Variants in MAPK4 observed in about 807,000 individuals in gnomAD.
The protein encoded by MAPK4 is Erk3-related.
A neutral mutation model predicts 47.7 loss-of-function variants in MAPK4; 22 were observed. The ratio of observed to expected loss-of-function variants is 0.46; its 90% confidence interval spans 0.33 to 0.66. MAPK4 has a LOEUF of 0.66. Among genes scored for constraint, MAPK4 ranks in the 30% least tolerant of loss-of-function variants. The probability of loss-of-function intolerance (pLI) is 0.02; values close to 1 mark genes in which losing one functional copy is unlikely to be tolerated. For missense variants in MAPK4, 736 were observed against 831.7 expected, an observed-to-expected ratio of 0.88 and a Z score of 1.42; for synonymous variants, 390 against 365.7, an observed-to-expected ratio of 1.07 and a Z score of -0.76.
At chr18:50,572,494 C>A (rs1028617156) in intron 1 of MAPK4, among the ~76,000 whole-genome samples, 2 of 152,164 alleles carry the variant, frequency 1.3e-5, no homozygotes, top group African/African-American at 4.8e-5. Flanking sequence ...TTCCATATGT[C>A]TATACCTGCT....
chr18:50,572,624 T>TAG (rs78360919), intron 1 of MAPK4, among the ~76,000 whole-genome samples: 62,425 of 151,820 alleles, frequency 0.41, 13,815 homozygotes, highest in Non-Finnish European at 0.49. Flanking sequence ...ATTTCTGAAC[T>TAG]AGAGGCAGTA....
chr18:50,656,327 A>G (rs1426405690), intron 1 of MAPK4, among the ~76,000 whole-genome samples: 1 of 152,154 alleles, frequency 6.6e-6, no homozygotes, highest in African/African-American at 2.4e-5. Flanking sequence ...GCTGTAGTCC[A>G]CTCAGGGCTC....
chr18:50,701,836 T>G (rs534897282), intron 2 of MAPK4, among the ~76,000 whole-genome samples: 105 of 152,276 alleles, frequency 6.9e-4, no homozygotes, highest in African/African-American at 2.5e-3. Flanking sequence ...TCCAGAAAAC[T>G]TATAAGGTAA....
intron 1 of MAPK4, among the ~76,000 whole-genome samples, chr18:50,628,448 A>G (rs934424204): frequency 6.6e-6 from 1 of 152,192 alleles, no homozygotes; most frequent in Non-Finnish European, 1.5e-5. Flanking sequence ...GCTAGAATCA[A>G]ATGTTGGCCT....
chr18:50,687,653 G>C (rs1908959572), intron 2 of MAPK4, among the ~76,000 whole-genome samples: 1 of 152,142 alleles, frequency 6.6e-6, no homozygotes, highest in South Asian at 2.1e-4. Flanking sequence ...CAGCACCCGG[G>C]TCTGAAGTGC....
chr18:50,561,303 A>G (rs1482718325), intron 1 of MAPK4, among the ~76,000 whole-genome samples: 1 of 152,266 alleles, frequency 6.6e-6, no homozygotes, highest in African/African-American at 2.4e-5. Context: ...ACTGCTCAGT[A>G]GCCATTTACT....
At chr18:50,644,752 A>G (rs900435112) in intron 1 of MAPK4, among the ~76,000 whole-genome samples, 1 of 152,168 alleles carries the variant, frequency 6.6e-6, no homozygotes, top group Admixed American at 6.5e-5. Flanking sequence ...CAAATCCTCA[A>G]TGTGAGTGCT....
chr18:50,652,424 G>A (rs181064734), intron 1 of MAPK4, among the ~76,000 whole-genome samples: 1 of 152,130 alleles, frequency 6.6e-6, no homozygotes, highest in Non-Finnish European at 1.5e-5. Flanking sequence ...GATGCACCTG[G>A]GTAAGAGGCA....
At chr18:50,605,269 G>A (rs377474172) in intron 1 of MAPK4, among the ~76,000 whole-genome samples, 19 of 152,300 alleles carry the variant, frequency 1.2e-4, no homozygotes, top group African/African-American at 3.9e-4. Context: ...TGGGCACTGG[G>A]GAAACATCTT....
At chr18:50,615,289 A>G (rs931473694) in intron 1 of MAPK4, among the ~76,000 whole-genome samples, 1 of 152,118 alleles carries the variant, frequency 6.6e-6, no homozygotes, top group Non-Finnish European at 1.5e-5. Context: ...GCAGCCCCGA[A>G]TATTAGTTGT....
intron 1 of MAPK4, among the ~76,000 whole-genome samples, chr18:50,583,884 C>T (rs977483127): frequency 6.6e-6 from 1 of 152,174 alleles, no homozygotes; most frequent in Non-Finnish European, 1.5e-5. Context: ...GATCTTGATG[C>T]ATTTAAAGCT....
intron 1 of MAPK4, among the ~76,000 whole-genome samples, chr18:50,565,978 A>G (rs538397172): frequency 1.2e-4 from 18 of 152,332 alleles, no homozygotes; most frequent in African/African-American, 3.6e-4. Context: ...AAATGAAACT[A>G]TAATTCAGAC....
At chr18:50,722,188 A>C (rs1910973148) in intron 4 of MAPK4, 89 bp downstream of exon 4, 3 of 1,418,658 alleles carry the variant, frequency 2.1e-6, no homozygotes, top group East Asian at 2.4e-5. Context: ...GTCTCCTTCC[A>C]AAAGGGCAAA....
chr18:50,618,194 C>G (rs79454066), intron 1 of MAPK4, among the ~76,000 whole-genome samples: 1 of 152,194 alleles, frequency 6.6e-6, no homozygotes, highest in African/African-American at 2.4e-5. Context: ...GCTTAACCTA[C>G]TGAGCTCTCC....
chr18:50,564,926 C>T (rs544677387), intron 1 of MAPK4, among the ~76,000 whole-genome samples: 3 of 152,304 alleles, frequency 2.0e-5, no homozygotes, highest in South Asian at 2.1e-4. Flanking sequence ...AACGACAAAA[C>T]GATAAGGGGA....
intron 1 of MAPK4, among the ~76,000 whole-genome samples, chr18:50,612,172 T>C (rs2042643183): frequency 6.6e-6 from 1 of 152,214 alleles, no homozygotes; most frequent in South Asian, 2.1e-4. Context: ...AGAATACTCA[T>C]TTATGTCTGG....
At chr18:50,584,924 G>C (rs1427789625) in intron 1 of MAPK4, among the ~76,000 whole-genome samples, 1 of 152,210 alleles carries the variant, frequency 6.6e-6, no homozygotes, top group African/African-American at 2.4e-5. Context: ...TCCTATTCAA[G>C]GAGCTGATGA....
intron 1 of MAPK4, among the ~76,000 whole-genome samples, chr18:50,639,897 T>A (rs2042923243): frequency 6.6e-6 from 1 of 152,368 alleles, no homozygotes; most frequent in East Asian, 1.9e-4. Context: ...ATTTATATAC[T>A]CTTCGCTCGT....
At chr18:50,640,349 C>T (rs973645) in intron 1 of MAPK4, among the ~76,000 whole-genome samples, 147,590 of 150,996 alleles carry the variant, frequency 0.98, 72,136 homozygotes, top group East Asian at 1. Context: ...AGATCTTAAT[C>T]GGCTCTTGTC....
Sources: allele counts gnomAD v4.1 joint callset (sites outside exome capture counted in the v4.1 genomes callset), GRCh38; gene constraint gnomAD v4.1.1; transcripts MANE v1.5; gene names NCBI Gene and HGNC (gene_info 2026-07-23, HGNC 2026-07-21).